Variants in CCDC7 observed in about 807,000 individuals in gnomAD.
The protein encoded by CCDC7 is coiled-coil domain-containing protein 7.
CCDC7 carries 183 observed loss-of-function variants against 196.9 expected under a neutral mutation model. The ratio of observed to expected loss-of-function variants is 0.93; its 90% confidence interval spans 0.82 to 1.05. The LOEUF is 1.05. CCDC7 is among the 50% of genes least tolerant of loss of function. CCDC7 has a pLI of 0.00. For synonymous variants in CCDC7, 525 were observed against 484.6 expected (o/e 1.08, Z -1.10); for missense variants, 1,540 against 1,482.2 (o/e 1.04, Z -0.64).
chr10:32,818,380 A>G (rs942365165), intron 31 of CCDC7, among the ~76,000 whole-genome samples: 18 of 152,146 alleles, frequency 1.2e-4, no homozygotes, highest in African/African-American at 4.3e-4. Flanking sequence ...CTCCCACACA[A>G]TAATAATGGG....
chr10:32,865,439 G>A (rs531487544), intron 41 of CCDC7, among the ~76,000 whole-genome samples: 1 of 150,722 alleles, frequency 6.6e-6, no homozygotes, highest in South Asian at 2.1e-4. Context: ...ACACGAGAAT[G>A]GCTAAAGTTA....
chr10:32,660,346 A>C (rs952166306), intron 20 of CCDC7, among the ~76,000 whole-genome samples: 37 of 139,206 alleles, frequency 2.7e-4, no homozygotes, highest in African/African-American at 5.7e-4. Flanking sequence ...TCATTGTTCA[A>C]TTCCCACCTA....
chr10:32,540,980 C>T (rs990556476), intron 11 of CCDC7, among the ~76,000 whole-genome samples: 1 of 151,522 alleles, frequency 6.6e-6, no homozygotes, highest in African/African-American at 2.4e-5. Flanking sequence ...AGGTTGCTTG[C>T]TTTTTCCCCG....
chr10:32,463,200 G>A (rs2036100376), intron 5 of CCDC7, 151 bp downstream of exon 6: 1 of 958,280 alleles, frequency 1.0e-6, no homozygotes, highest in Non-Finnish European at 1.5e-6. Context: ...CAAGGAATAA[G>A]TGGATGGGAT....
chr10:32,457,540 T>C (rs1564622202), intron 3 of CCDC7, among the ~76,000 whole-genome samples: 2 of 152,190 alleles, frequency 1.3e-5, no homozygotes, highest in Non-Finnish European at 2.9e-5. Flanking sequence ...CCTGTGGATA[T>C]ACACCCAGTA....
At chr10:32,744,801 G>A (rs1310973611) in intron 28 of CCDC7, among the ~76,000 whole-genome samples, 1 of 152,148 alleles carries the variant, frequency 6.6e-6, no homozygotes. Context: ...CTTTTACAGA[G>A]CAGAAGTTGT....
chr10:32,726,779 A>G, exon 26 of CCDC7: 1 of 1,604,848 alleles, frequency 6.2e-7, no homozygotes. Flanking sequence ...TCAGTGTCAA[A>G]ACTCCAAATG....
At chr10:32,806,537 A>G (rs1033157290) in intron 30 of CCDC7, among the ~76,000 whole-genome samples, 2 of 152,210 alleles carry the variant, frequency 1.3e-5, no homozygotes, top group Admixed American at 6.5e-5. Context: ...GATATCTACA[A>G]AGAGATAAAA....
chr10:32,881,430 A>T (rs2094786918), downstream of CCDC7, among the ~76,000 whole-genome samples: 1 of 152,192 alleles, frequency 6.6e-6, no homozygotes, highest in African/African-American at 2.4e-5. Flanking sequence ...GGGCCAAGGA[A>T]TAAGTGGTGT....
chr10:32,619,968 A>G (rs530589026), intron 18 of CCDC7, among the ~76,000 whole-genome samples: 1 of 124,450 alleles, frequency 8.0e-6, no homozygotes, highest in African/African-American at 3.4e-5. Context: ...TGTCACCCAG[A>G]CTGGAATTCA....
chr10:32,497,432 A>G (rs2043091511), intron 9 of CCDC7, among the ~76,000 whole-genome samples: 1 of 151,996 alleles, frequency 6.6e-6, no homozygotes, highest in South Asian at 2.1e-4. Context: ...GTCTTCTTCT[A>G]GCTTTTGAAT....
chr10:32,470,814 A>G (rs547191726), intron 5 of CCDC7, among the ~76,000 whole-genome samples: 1 of 152,284 alleles, frequency 6.6e-6, no homozygotes, highest in South Asian at 2.1e-4. Context: ...ATTCCTATAT[A>G]TTAAAGCAAT....
chr10:32,615,387 A>T (rs895163210), intron 18 of CCDC7, among the ~76,000 whole-genome samples: 4 of 152,016 alleles, frequency 2.6e-5, no homozygotes, highest in Non-Finnish European at 5.9e-5. Context: ...GTGTAAAATG[A>T]TATCTCATTG....
intron 29 of CCDC7, 56 bp downstream of exon 30, chr10:32,779,140 T>G: frequency 7.7e-7 from 1 of 1,305,648 alleles, no homozygotes; most frequent in South Asian, 1.3e-5. Flanking sequence ...ATTAAAATAT[T>G]TCAACTGTAT....
In CCDC7 at chr10:32,856,814, G is replaced by C. The variant is rs141334660; in HGVS notation, c.4111+2325G>C. ...GCCATTGCTGCACCCTAACACCCAG[G>C]ATGAGTCAGCAACATGCCTGATCCT... is the stretch of plus-strand genomic sequence containing the variant. On this transcript the variant is annotated intron_variant, in intron 41 of 41. Transcript: ENST00000639629. Among the ~76,000 whole-genome samples the C allele has an allele frequency of 4.6e-5, 7 of 152,228 alleles. No individual in the cohort carries two copies. In the East Asian group the frequency reaches 1.4e-3, roughly 29 times the overall value.
chr10:32,443,420 T>TCCATCTTGGCTGGAAGCAGAA (rs2030459509), upstream of CCDC7, among the ~76,000 whole-genome samples: 8 of 125,040 alleles, frequency 6.4e-5, no homozygotes, highest in East Asian at 2.5e-4. Flanking sequence ...CTTCACATTA[T>TCCATCTTGGCTGGAAGCAGAA]CCCTTGAAGG....
chr10:32,874,621 T>A (rs1462291084), intron 41 of CCDC7, among the ~76,000 whole-genome samples: 1 of 151,606 alleles, frequency 6.6e-6, no homozygotes, highest in Non-Finnish European at 1.5e-5. Context: ...TTTCATTACT[T>A]TTTATGGCTG....
intron 18 of CCDC7, among the ~76,000 whole-genome samples, chr10:32,603,954 A>G (rs1163889378): frequency 6.6e-6 from 1 of 152,066 alleles, no homozygotes; most frequent in Non-Finnish European, 1.5e-5. Flanking sequence ...TTCATTTAAT[A>G]TAGTTCCATT....
intron 31 of CCDC7, among the ~76,000 whole-genome samples, chr10:32,822,312 G>A (rs1038778287): frequency 5.3e-5 from 8 of 151,998 alleles, no homozygotes; most frequent in Admixed American, 5.2e-4. Flanking sequence ...GTATCATTGG[G>A]CATATAACAT....
Sources: allele counts gnomAD v4.1 joint callset (sites outside exome capture counted in the v4.1 genomes callset), GRCh38; gene constraint gnomAD v4.1.1; transcripts MANE v1.5; gene names NCBI Gene and HGNC (gene_info 2026-07-23, HGNC 2026-07-21).